The following ABAT variants were observed in gnomAD, a reference collection of about 807,000 sequenced individuals.
ABAT encodes 4-aminobutyrate aminotransferase, also known as 4-aminobutyrate aminotransferase, mitochondrial.
A neutral mutation model predicts 64.6 loss-of-function variants in ABAT; 45 were observed. The ratio of observed to expected loss-of-function variants is 0.70; its 90% CI spans 0.55 to 0.89. The LOEUF (loss-of-function observed/expected upper bound fraction) is 0.89, where lower values mean the gene tolerates loss of function less well. Ranked by LOEUF, ABAT falls within the 40% of genes least tolerant of loss-of-function variation. The pLI is 0.00. For missense variants in ABAT, 633 were observed against 658.4 expected, an observed-to-expected ratio of 0.96 and a Z score of 0.42; for synonymous variants, 297 against 250.5, an observed-to-expected ratio of 1.19 and a Z score of -1.75.
chr16:8,755,448 G>A (rs558275692), intron 5 of ABAT, among the ~76,000 whole-genome samples: 1 of 152,236 alleles, frequency 6.6e-6, no homozygotes. Context: ...GGTGAGAGCT[G>A]TGATTTTTAG....
intron 2 of ABAT, chr16:8,738,489 T>C: frequency 2.2e-6 from 1 of 455,806 alleles, no homozygotes; most frequent in South Asian, 1.6e-5. Flanking sequence ...TCATCTTCCA[T>C]GGCCTCCTCT....
chr16:8,745,042 C>T (rs1219110822), intron 2 of ABAT, among the ~76,000 whole-genome samples: 1 of 152,162 alleles, frequency 6.6e-6, no homozygotes, highest in East Asian at 1.9e-4. Flanking sequence ...GGCTGAAGTG[C>T]TGTAATCATG....
At chr16:8,777,420 C>T (rs138228477) in intron 14 of ABAT, among the ~76,000 whole-genome samples, 9 of 152,154 alleles carry the variant, frequency 5.9e-5, no homozygotes, top group East Asian at 5.8e-4. Context: ...CTCCAGCCAT[C>T]GCATCTCAAT....
chr16:8,776,512 C>CCCCCCCCCCCCCCCA lies in ABAT; in HGVS notation c.1269+22_1269+23insCCCCCCCCCCCCCCA. ...CCAGGTAACACCCCCTCCCCTGCCC[C>CCCCCCCCCCCCCCCA]GCCCCCACCACCCATGGCTCCCCGC... On this transcript the variant is annotated intron_variant, in intron 14 of 15. Coordinates refer to ENST00000268251, the MANE Select transcript of ABAT (RefSeq NM_020686.6). The surrounding 1 kb of genome is among the most constrained non-coding windows in gnomAD (Gnocchi z 4.4). 1 of 1,575,658 alleles carries CCCCCCCCCCCCCCCA rather than the reference C, an allele frequency of 6.3e-7. No individual in the cohort carries two copies. Among genetic ancestry groups the CCCCCCCCCCCCCCCA allele is most frequent in the Non-Finnish European group, 8.6e-7 (1 of 1,161,518 alleles).
intron 2 of ABAT, among the ~76,000 whole-genome samples, chr16:8,740,783 A>G (rs779587465): frequency 3.9e-5 from 6 of 152,270 alleles, no homozygotes; most frequent in Non-Finnish European, 8.8e-5. Context: ...ATTGCTGGGT[A>G]GAAAATTAAA....
At chr16:8,737,901 C>T (rs1313816748) in intron 2 of ABAT, among the ~76,000 whole-genome samples, 2 of 126,082 alleles carry the variant, frequency 1.6e-5, no homozygotes, top group Non-Finnish European at 3.2e-5. Flanking sequence ...GTACTTCAGC[C>T]TGGGCAACAG....
At chr16:8,737,727 A>T (rs1171314882) in intron 2 of ABAT, among the ~76,000 whole-genome samples, 2 of 150,480 alleles carry the variant, frequency 1.3e-5, no homozygotes, top group Non-Finnish European at 3.0e-5. Context: ...GTTCGAGACC[A>T]GCCTGGGCAA....
chr16:8,679,583 C>G (rs565918522), intron 1 of ABAT, among the ~76,000 whole-genome samples: 10 of 151,736 alleles, frequency 6.6e-5, no homozygotes, highest in Non-Finnish European at 1.0e-4. Flanking sequence ...CTCATTGGGC[C>G]GCTGTGAGGA....
chr16:8,765,952 C>T (rs1404989932), intron 8 of ABAT: 1 of 434,512 alleles, frequency 2.3e-6, no homozygotes, highest in African/African-American at 2.0e-5. Flanking sequence ...ACATGCAACG[C>T]TCTCAGCAGA....
intron 1 of ABAT, among the ~76,000 whole-genome samples, chr16:8,712,135 G>A (rs2058092005): frequency 6.6e-6 from 1 of 152,022 alleles, no homozygotes; most frequent in South Asian, 2.1e-4. Flanking sequence ...GGAGGCTGAG[G>A]CAGGAGAATC....
At chr16:8,767,382 C>T (rs1478356865) in intron 9 of ABAT, among the ~76,000 whole-genome samples, 1 of 152,172 alleles carries the variant, frequency 6.6e-6, no homozygotes, top group African/African-American at 2.4e-5. Context: ...TGCAAGGTGC[C>T]CAGCTCGGCC....
intron 1 of ABAT, among the ~76,000 whole-genome samples, chr16:8,677,844 G>T (rs1328004673): frequency 6.6e-6 from 1 of 152,116 alleles, no homozygotes; most frequent in Non-Finnish European, 1.5e-5. Context: ...CTTGAGCCCA[G>T]GAGTTTGAGA....
chr16:8,740,376 G>C (rs2059129371), intron 2 of ABAT, among the ~76,000 whole-genome samples: 1 of 152,210 alleles, frequency 6.6e-6, no homozygotes, highest in African/African-American at 2.4e-5. Context: ...CTGGGGCTGT[G>C]GTCTCATATG....
At chr16:8,727,995 C>T (rs750828312) in intron 1 of ABAT, among the ~76,000 whole-genome samples, 8 of 152,254 alleles carry the variant, frequency 5.3e-5, no homozygotes, top group Non-Finnish European at 8.8e-5. Flanking sequence ...TGCTAGAGCC[C>T]GGGCGATAGA....
chr16:8,766,158 C>G, intron 8 of ABAT, 50 bp from the exon 9 acceptor site: 1 of 1,580,522 alleles, frequency 6.3e-7, no homozygotes, highest in Non-Finnish European at 8.7e-7. Context: ...AGATGAAGCC[C>G]CGACTACCCC....
At chr16:8,751,791 A>G (rs1251636124) in intron 5 of ABAT, among the ~76,000 whole-genome samples, 3 of 152,208 alleles carry the variant, frequency 2.0e-5, no homozygotes, top group African/African-American at 7.2e-5. Context: ...TGGGATGCCC[A>G]CAGCGTCTGC....
At chr16:8,759,322 C>T (rs906735576) in intron 6 of ABAT, among the ~76,000 whole-genome samples, 7 of 151,604 alleles carry the variant, frequency 4.6e-5, no homozygotes, top group African/African-American at 1.7e-4. Flanking sequence ...TGGAGTGTAT[C>T]TGTGTGTTGT....
intron 12 of ABAT, among the ~76,000 whole-genome samples, chr16:8,774,634 A>G (rs1171452238): frequency 6.6e-6 from 1 of 152,062 alleles, no homozygotes; most frequent in Non-Finnish European, 1.5e-5. Context: ...GGGAGTATTT[A>G]ATGTTCTGGG....
At chr16:8,761,290 A>G (rs967332816) in intron 6 of ABAT, among the ~76,000 whole-genome samples, 4 of 146,818 alleles carry the variant, frequency 2.7e-5, no homozygotes, top group South Asian at 2.1e-4. Flanking sequence ...ACCTCTCCCC[A>G]TCGATCCCTC....
Sources: gnomAD v4.1 joint callset for allele counts (sites outside exome capture counted in the v4.1 genomes callset) on GRCh38, gnomAD v4.1.1 for gene constraint, Gnocchi (gnomAD v3.1) non-coding constraint, MANE v1.5 for transcripts, NCBI Gene and HGNC (gene_info 2026-07-23, HGNC 2026-07-21) for gene names.